CMSS1: variants seen among roughly 807,000 people sequenced by gnomAD.
CMSS1 encodes the protein protein CMSS1.
Under a neutral mutation model 43.5 loss-of-function variants are expected in CMSS1, and 33 were observed. The observed-to-expected ratio is 0.76, with a 90% CI of 0.57 to 1.01. The LOEUF is 1.01. Among genes scored for constraint, CMSS1 ranks in the 50% least tolerant of loss-of-function variants. The pLI is 0.00. For synonymous variants in CMSS1, 115 were observed against 117.2 expected (o/e 0.98, Z 0.12); for missense variants, 313 against 326.4 (o/e 0.96, Z 0.32).
intron 8 of CMSS1, among the ~76,000 whole-genome samples, chr3:100,172,608 G>A (rs1458040115): frequency 2.0e-5 from 3 of 152,158 alleles, no homozygotes; most frequent in African/African-American, 7.2e-5. Context: ...ACTGAAGTAC[G>A]TGTGCCCACC....
chr3:100,171,347 C>T (rs948321832), intron 6 of CMSS1, among the ~76,000 whole-genome samples: 4 of 151,994 alleles, frequency 2.6e-5, no homozygotes, highest in Admixed American at 6.6e-5. Context: ...GAAGCCCCCC[C>T]TCTTCCCCCT....
At chr3:99,985,035 A>C (rs1709290322) in intron 1 of CMSS1, among the ~76,000 whole-genome samples, 1 of 152,212 alleles carries the variant, frequency 6.6e-6, no homozygotes, top group Non-Finnish European at 1.5e-5. Flanking sequence ...AGGAAGGTAT[A>C]AGGGGCAGGG....
intron 1 of CMSS1, among the ~76,000 whole-genome samples, chr3:100,048,085 A>G (rs1481508477): frequency 6.6e-6 from 1 of 152,184 alleles, no homozygotes; most frequent in Non-Finnish European, 1.5e-5. Flanking sequence ...GGGGCCAAAC[A>G]GCCACAATCC....
intron 1 of CMSS1, among the ~76,000 whole-genome samples, chr3:100,056,868 A>T (rs1183794169): frequency 6.6e-6 from 1 of 151,948 alleles, no homozygotes; most frequent in Non-Finnish European, 1.5e-5. Flanking sequence ...GCCGGGTGTG[A>T]TGGCAGGCGC....
rs534272417 is a variant in CMSS1 at position 100,140,815 on chromosome 3, T to A, written c.65-6158T>A. Among the ~76,000 whole-genome samples, 119 of 151,814 alleles carry A rather than the reference T, an allele frequency of 7.8e-4. 1 individual carries two copies. The highest frequency in any genetic ancestry group is 1.9e-3 in the African/African-American group (79 of 41,432). ...AAAATTAAATATAAAAGAAAAAAAA[T>A]TTTTTTAATTGGATATGAAAGAAGT... On this transcript the variant is annotated intron_variant, in intron 1 of 9. Transcript: ENST00000421999.
At chr3:99,930,356 G>A (rs1707438248) in intron 1 of CMSS1, among the ~76,000 whole-genome samples, 1 of 152,124 alleles carries the variant, frequency 6.6e-6, no homozygotes, top group African/African-American at 2.4e-5. Context: ...TCTCCTATAT[G>A]TGTACCAGCT....
chr3:100,032,068 C>A lies in CMSS1; in HGVS notation c.65-114905C>A, dbSNP rs185847025. Among the ~76,000 whole-genome samples the A allele has an allele frequency of 2.0e-5, 3 of 152,158 alleles. No homozygotes were observed. In the East Asian group the frequency reaches 5.8e-4, roughly 29 times the overall value. On this transcript the variant is annotated intron_variant, in intron 1 of 9. Transcript: ENST00000421999. ...AGATTATATAAAGACAGGCTACAGA[C>A]CAGATCTAGCCCATTAGCCATAGTT... is the stretch of plus-strand genomic sequence containing the variant.
At chr3:99,940,405 G>C (rs188612825) in intron 1 of CMSS1, among the ~76,000 whole-genome samples, 1 of 152,306 alleles carries the variant, frequency 6.6e-6, no homozygotes, top group Admixed American at 6.5e-5. Context: ...TAGAAATACA[G>C]TGATAATGAG....
intron 1 of CMSS1, among the ~76,000 whole-genome samples, chr3:99,897,204 C>T (rs1014552788): frequency 6.6e-6 from 1 of 152,010 alleles, no homozygotes; most frequent in African/African-American, 2.4e-5. Context: ...ACTAAAAATA[C>T]AAAAATTAAC....
intron 1 of CMSS1, among the ~76,000 whole-genome samples, chr3:99,964,660 C>T (rs1708593721): frequency 6.6e-6 from 1 of 152,074 alleles, no homozygotes; most frequent in Non-Finnish European, 1.5e-5. Flanking sequence ...GCTTCCCAAC[C>T]TGTTTCTCAA....
chr3:99,929,915 CATCTCTCTGGAGAGCCTCTA>C (rs1396656510), intron 1 of CMSS1: 1 of 1,613,704 alleles, frequency 6.2e-7, no homozygotes, highest in Admixed American at 1.7e-5. Context: ...GCTTGAAAAG[CATCTCTCTGGAGAGCCTCTA>C]ACACCTTTTT....
At chr3:99,931,278 G>GTTA (rs775745225) in intron 1 of CMSS1, among the ~76,000 whole-genome samples, 2 of 152,020 alleles carry the variant, frequency 1.3e-5, no homozygotes, top group Non-Finnish European at 2.9e-5. Flanking sequence ...TATGTCCATG[G>GTTA]GTAAACAGGC....
chr3:100,102,362 G>A (rs904922148), intron 1 of CMSS1, among the ~76,000 whole-genome samples: 3 of 151,970 alleles, frequency 2.0e-5, no homozygotes, highest in East Asian at 1.9e-4. Flanking sequence ...TGCATTTCTC[G>A]GGTGTTAAGA....
chr3:99,983,952 A>G (rs1447331431), intron 1 of CMSS1, among the ~76,000 whole-genome samples: 1 of 151,948 alleles, frequency 6.6e-6, no homozygotes, highest in Non-Finnish European at 1.5e-5. Context: ...ATACCACAAG[A>G]TATAAATCAG....
chr3:100,141,028 T>G lies in CMSS1; in HGVS notation c.65-5945T>G, dbSNP rs116112890. Among the ~76,000 whole-genome samples, 548 of 152,278 alleles carry G rather than the reference T, an allele frequency of 3.6e-3. 2 individuals are homozygous for G. The highest frequency in any genetic ancestry group is 0.013 in the African/African-American group (534 of 41,566). On this transcript the variant is annotated intron_variant, in intron 1 of 9. Transcript: ENST00000421999. ...CAAATAGGCAAAAATGAGAACCTAA[T>G]TCTCTACTTACAGTTTTATATTTTT...
chr3:100,132,165 G>A (rs2107500180), intron 1 of CMSS1, among the ~76,000 whole-genome samples: 1 of 152,224 alleles, frequency 6.6e-6, no homozygotes, highest in Non-Finnish European at 1.5e-5. Context: ...CAGTGCTTTG[G>A]GAGGCCAAGG....
chr3:100,016,248 A>G (rs1710335054), intron 1 of CMSS1, among the ~76,000 whole-genome samples: 2 of 152,132 alleles, frequency 1.3e-5, no homozygotes, highest in Non-Finnish European at 2.9e-5. Context: ...GCTGGAGTGC[A>G]ATGGTGCGAT....
intron 1 of CMSS1, among the ~76,000 whole-genome samples, chr3:99,934,284 C>G (rs1351995314): frequency 6.6e-6 from 1 of 152,232 alleles, no homozygotes; most frequent in Non-Finnish European, 1.5e-5. Flanking sequence ...AAGGAATTAA[C>G]TGCAGCCATC....
Position 100,167,749 on chromosome 3 carries a change from T to C in CMSS1, c.427T>C (p.Trp143Arg). The C allele has an allele frequency of 6.2e-7, 1 of 1,610,922 alleles. No homozygotes were observed. Among genetic ancestry groups the C allele is most frequent in the Non-Finnish European group, 8.5e-7 (1 of 1,178,550 alleles). Residue 143 changes from tryptophan to arginine, a missense_variant, in exon 6 of 10, where the codon TGG becomes CGG. Physicochemically the swap from Trp to Arg is moderately radical, Grantham distance 101. Transcript: ENST00000421999. ...SSYLKEICPKWVKLRKNHSEK... is the reference protein window; with the variant it reads ...SSYLKEICPKRVKLRKNHSEK... ...GTTCTTTTTTCCAGTTTGTCCTAAGTGGGTAAAACTTAGGAAGAACCACAG... is the reference window on the plus strand; with the variant it reads ...GTTCTTTTTTCCAGTTTGTCCTAAGCGGGTAAAACTTAGGAAGAACCACAG...
Sources: allele counts gnomAD v4.1 joint callset (sites outside exome capture counted in the v4.1 genomes callset), GRCh38; gene constraint gnomAD v4.1.1; transcripts MANE v1.5; gene names NCBI Gene and HGNC (gene_info 2026-07-23, HGNC 2026-07-21).